Variants in PRRC2B observed in about 807,000 individuals in gnomAD.
PRRC2B encodes the protein proline rich coiled-coil 2B.
In PRRC2B, 68 loss-of-function variants were observed where a neutral mutation model predicts 242.3. The observed-to-expected ratio is 0.28, with a 90% CI of 0.23 to 0.34. The LOEUF is 0.34. PRRC2B is among the 10% of genes least tolerant of loss of function. The pLI is 1.00. For missense variants in PRRC2B, 2,835 were observed against 2,954.8 expected (o/e 0.96, Z 0.94); for synonymous variants, 1,228 against 1,173.6 (o/e 1.05, Z -0.95).
intron 1 of PRRC2B, among the ~76,000 whole-genome samples, chr9:131,405,034 T>C (rs1006288090): frequency 6.6e-6 from 1 of 152,272 alleles, no homozygotes; most frequent in African/African-American, 2.4e-5. Context: ...CGTATGTTTC[T>C]GGACTATGGG....
At chr9:131,447,564 C>A in intron 8 of PRRC2B, 98 bp from the exon 9 acceptor site, 3 of 1,182,410 alleles carry the variant, frequency 2.5e-6, no homozygotes, top group South Asian at 1.7e-5. Context: ...TTAAATCAAA[C>A]ATGAACCTTT....
chr9:131,416,522 A>T (rs1240194897), intron 1 of PRRC2B, among the ~76,000 whole-genome samples: 2 of 152,198 alleles, frequency 1.3e-5, no homozygotes, highest in African/African-American at 4.8e-5. Context: ...ATCTTATGTT[A>T]GTACAGTATA....
intron 4 of PRRC2B, among the ~76,000 whole-genome samples, chr9:131,437,900 A>G (rs1159089994): frequency 2.0e-5 from 3 of 152,150 alleles, no homozygotes; most frequent in Non-Finnish European, 2.9e-5. Flanking sequence ...TTCAAGATGT[A>G]TGTGCTCAGA....
At chr9:131,452,847 T>TGGG (rs1315045928) in intron 9 of PRRC2B, among the ~76,000 whole-genome samples, 10 of 152,254 alleles carry the variant, frequency 6.6e-5, no homozygotes, top group Non-Finnish European at 1.2e-4. Flanking sequence ...ATGACTAGGA[T>TGGG]ATGATCTGTC....
rs575617211 is a variant in PRRC2B at position 131,400,669 on chromosome 9, A to G, written c.-52+6406A>G. Among the ~76,000 whole-genome samples, 7 of 152,110 alleles carry G rather than the reference A, an allele frequency of 4.6e-5. No homozygotes were observed. The East Asian group carries it at 7.8e-4, about 17-fold the overall frequency. On this transcript the variant is annotated intron_variant, in intron 1 of 31. Transcript: ENST00000683519. ...TCAAGTGATCCCTCCGCCTCCGCCT[A>G]TCAAAGTGCTGGGATTACAGGCATG...
intron 1 of PRRC2B, among the ~76,000 whole-genome samples, chr9:131,380,332 C>T (rs1350378374): frequency 2.0e-5 from 3 of 151,880 alleles, no homozygotes; most frequent in Non-Finnish European, 4.4e-5. Flanking sequence ...AATCTCAGCA[C>T]TTTGCGAGGC....
intron 13 of PRRC2B, among the ~76,000 whole-genome samples, chr9:131,468,345 A>T (rs1253164420): frequency 6.6e-6 from 1 of 152,200 alleles, no homozygotes; most frequent in Non-Finnish European, 1.5e-5. Context: ...TTCATGTGTA[A>T]ACCAGGAAGA....
chr9:131,375,917 C>T (rs1305060506), intron 1 of PRRC2B, among the ~76,000 whole-genome samples: 1 of 151,738 alleles, frequency 6.6e-6, no homozygotes, highest in Non-Finnish European at 1.5e-5. Flanking sequence ...GGCATGGTGG[C>T]GATTGCCTGT....
intron 4 of PRRC2B, among the ~76,000 whole-genome samples, chr9:131,437,562 C>G (rs939220583): frequency 6.6e-6 from 1 of 152,158 alleles, no homozygotes; most frequent in Non-Finnish European, 1.5e-5. Context: ...CTCTTGACAG[C>G]GGGAATGAAC....
chr9:131,495,844 G>A lies in PRRC2B; in HGVS notation c.6660G>A (p.Arg2220=). The change falls in exon 32 of 32, where the codon CGG becomes CGA. Residue 2220 remains arginine (R), a synonymous_variant. Transcript: ENST00000683519. ...QMKRTGAIKP[R]AVKVEESKA The stretch of plus-strand genomic sequence containing the variant: ...AGCGAACCGGAGCGATCAAGCCTCG[G>A]GCTGTCAAAGTGGAGGAGAGTAAGG... The A allele has an allele frequency of 6.2e-7, 1 of 1,610,536 alleles. No individual in the cohort carries two copies. Among genetic ancestry groups the A allele is most frequent in the Non-Finnish European group, 8.5e-7 (1 of 1,177,252 alleles).
chr9:131,492,183 G>C lies in PRRC2B; in HGVS notation c.6396G>C (p.Glu2132Asp). The C allele has an allele frequency of 6.2e-7, 1 of 1,613,772 alleles. No individual in the cohort carries two copies. The highest frequency in any genetic ancestry group is 8.5e-7 in the Non-Finnish European group (1 of 1,179,748). ...GGTCTCTCTAGCCCTCTCAGATGGA[G>C]ATGAAAGGCTTCCACTTTGCCGACA... ...LNTSREPSQM[E>D]MKGFHFADSK... The change falls in exon 30 of 32, where the codon GAG becomes GAC. Residue 2132 changes from glutamate to aspartate, a missense_variant. Physicochemically the swap from Glu to Asp is conservative, Grantham distance 45. This residue lies in a region of PRRC2B where 574 missense variants were observed against 626.0 expected (regional missense o/e 0.92). Transcript: ENST00000683519.
At chr9:131,432,381 G>A (rs992521326) in intron 2 of PRRC2B, among the ~76,000 whole-genome samples, 2 of 152,164 alleles carry the variant, frequency 1.3e-5, no homozygotes, top group African/African-American at 2.4e-5. Context: ...TGAAATGGAA[G>A]CCTTTTTACA....
At position 131,475,359 on chromosome 9, in the gene PRRC2B, G is replaced by A. The variant is rs545323050; in HGVS notation, c.3230G>A (p.Arg1077His). The change falls in exon 16 of 32, where the codon CGT becomes CAT. Residue 1077 changes from arginine (R) to histidine (H), a missense_variant. By Grantham distance (29) the Arg-to-His change is conservative (BLOSUM62 0). Transcript: ENST00000683519. Reference sequence around the variant, plus strand: ...CGTGGTTTCAGAGAGTTCACTTTTCGTGGTCGGCCTGCTGGCGGAAATGGG... The same window carrying A: ...CGTGGTTTCAGAGAGTTCACTTTTCATGGTCGGCCTGCTGGCGGAAATGGG... ...RGRGFREFTF[R>H]GRPAGGNGSG... 2.1e-5 allele frequency: 34 copies of A among 1,585,798 alleles called. No individual in the cohort carries two copies. Among genetic ancestry groups the A allele is most frequent in the Admixed American group, 1.1e-4 (6 of 55,456 alleles).
rs532737248 is a variant in PRRC2B, at chr9:131,375,169, G to A, written c.-56+1438G>A. On this transcript the variant is annotated intron_variant, in intron 1 of 1. Transcript: ENST00000682525. ...TGTAATCCCAGCACTTTGGGAGGCC[G>A]AAGCGGGTGGATCACGACGTCAGGA... Among the ~76,000 whole-genome samples, 9 of 152,242 alleles carry A rather than the reference G, an allele frequency of 5.9e-5. No homozygotes were observed. In the South Asian group the frequency reaches 8.3e-4, roughly 14 times the overall value.
In PRRC2B at chr9:131,482,235, C is replaced by T. The variant is rs775447944; in HGVS notation, c.4984-136C>T. 4 of 961,786 alleles carry T rather than the reference C, an allele frequency of 4.2e-6. No homozygotes were observed. Among genetic ancestry groups the T allele is most frequent in the East Asian group, 2.5e-5 (1 of 40,812 alleles). 59.6% of individuals were successfully genotyped at this position (961,786 alleles called of 1,614,324 possible). ...AAGTTGTCAGGCATCCTCAGCAGGG[C>T]AGGATCAAGATCAGGACCAGACTTG... On this transcript the variant is annotated intron_variant, in intron 20 of 31. Transcript: ENST00000683519. The surrounding 1 kb of genome is among the most constrained non-coding windows in gnomAD (Gnocchi z 5.2).
Position 131,479,360 on chromosome 9 carries a change from C to G in PRRC2B, c.4867C>G (p.Leu1623Val). 2 of 1,613,868 alleles carry G rather than the reference C, an allele frequency of 1.2e-6. No homozygotes were observed. Residue 1623 changes from leucine to valine, a missense_variant, in exon 19 of 32, where the codon CTG becomes GTG. Transcript: ENST00000683519. Reference protein sequence around the residue: ...QGDVTVPGSSLGTEIWESSSQ... With the variant: ...QGDVTVPGSSVGTEIWESSSQ... ...TGACGTGACCGTGCCTGGCAGCAGC[C>G]TGGGCACTGAGATCTGGGAGAGCAG... is the stretch of plus-strand genomic sequence containing the variant.
chr9:131,414,430 G>A (rs895738987), intron 1 of PRRC2B, among the ~76,000 whole-genome samples: 6 of 36,656 alleles, frequency 1.6e-4, no homozygotes, highest in African/African-American at 3.7e-4. Flanking sequence ...TTTTTACATT[G>A]CTCCAAGAAA....
chr9:131,476,560 C>T (rs1482384876), intron 16 of PRRC2B, 25 bp downstream of exon 16: 3 of 1,548,468 alleles, frequency 1.9e-6, no homozygotes, highest in Non-Finnish European at 2.6e-6. Context: ...CATCTGGGCC[C>T]TTTTTGTTGT....
At chr9:131,377,376 G>T (rs528205616) in intron 1 of PRRC2B, among the ~76,000 whole-genome samples, 3 of 152,290 alleles carry the variant, frequency 2.0e-5, no homozygotes, top group Admixed American at 2.0e-4. Context: ...GCCTCCCAAA[G>T]TGTTGGGTTT....
Sources: gnomAD v4.1 joint callset for allele counts (sites outside exome capture counted in the v4.1 genomes callset) on GRCh38, gnomAD v4.1.1 for gene constraint, gnomAD v4.1.1 regional missense constraint, Gnocchi (gnomAD v3.1) non-coding constraint, MANE v1.5 for transcripts, NCBI Gene and HGNC (gene_info 2026-07-23, HGNC 2026-07-21) for gene names.